CUL1: variants seen among roughly 807,000 people sequenced by gnomAD.
The protein encoded by CUL1 is cullin 1, also known as cullin-1.
Under a neutral mutation model 118.0 loss-of-function variants are expected in CUL1, and 24 were observed. The ratio of observed to expected loss-of-function variants is 0.20; its 90% CI spans 0.15 to 0.29. The LOEUF (loss-of-function observed/expected upper bound fraction) is 0.29, where lower values mean the gene tolerates loss of function less well. CUL1 is among the 10% of genes least tolerant of loss of function. The pLI, the probability that CUL1 is intolerant of heterozygous loss-of-function variation, is 1.00. For synonymous variants in CUL1, 332 were observed against 340.4 expected (o/e 0.98, Z 0.27); for missense variants, 361 against 933.8 (o/e 0.39, Z 7.99).
chr7:148,737,665 A>G (rs898370548), intron 2 of CUL1, among the ~76,000 whole-genome samples: 15 of 151,450 alleles, frequency 9.9e-5, no homozygotes, highest in African/African-American at 3.2e-4. Context: ...CAGTGGTGCA[A>G]TCTTGGCTCA....
At chr7:148,779,506 A>C (rs1414477436) in intron 9 of CUL1, among the ~76,000 whole-genome samples, 5 of 152,230 alleles carry the variant, frequency 3.3e-5, no homozygotes, top group African/African-American at 1.2e-4. Context: ...CCCAGACACA[A>C]CAAAGCCCCT....
chr7:148,719,992 C>T (rs1376072300), intron 1 of CUL1, among the ~76,000 whole-genome samples: 1 of 152,206 alleles, frequency 6.6e-6, no homozygotes, highest in Non-Finnish European at 1.5e-5. Context: ...GTAGCTTGTA[C>T]ATGCAGAGAA....
intron 1 of CUL1, among the ~76,000 whole-genome samples, chr7:148,699,780 G>T (rs191495910): frequency 9.9e-5 from 15 of 152,196 alleles, no homozygotes; most frequent in Non-Finnish European, 1.9e-4. Context: ...TCGCTCGCTA[G>T]TCGGGCCGGG....
At chr7:148,726,558 T>TA (rs1410323263) in intron 1 of CUL1, among the ~76,000 whole-genome samples, 1 of 152,232 alleles carries the variant, frequency 6.6e-6, no homozygotes, top group Non-Finnish European at 1.5e-5. Context: ...TCCTATGACT[T>TA]ACAGTGGTTT....
intron 1 of CUL1, among the ~76,000 whole-genome samples, chr7:148,702,021 T>C (rs1797734017): frequency 6.6e-6 from 1 of 152,198 alleles, no homozygotes; most frequent in Non-Finnish European, 1.5e-5. Flanking sequence ...GCCTTGCTTT[T>C]TAAAAACATT....
rs776212353 is a variant in CUL1 at position 148,789,736 on chromosome 7, C to A, written c.1598-14C>A. The A allele has an allele frequency of 1.1e-5, 17 of 1,612,476 alleles. No homozygotes were observed. In the South Asian group the frequency reaches 1.9e-4, roughly 18 times the overall value. ...TTCCAGAATGTTCACTCTCCCCTCT[C>A]TTCCGTCCCACAGTGGATTTCAGCA... On this transcript the variant is annotated splice_polypyrimidine_tract_variant and intron_variant, in intron 14 of 21. Coordinates refer to ENST00000325222, the MANE Select transcript of CUL1 (RefSeq NM_003592.3).
chr7:148,704,367 G>T (rs1437698168), intron 1 of CUL1, among the ~76,000 whole-genome samples: 1 of 152,154 alleles, frequency 6.6e-6, no homozygotes, highest in Admixed American at 6.5e-5. Flanking sequence ...TACCTTGCTA[G>T]AAAGAGTGTA....
At chr7:148,710,987 T>C (rs999205490) in intron 1 of CUL1, among the ~76,000 whole-genome samples, 1 of 152,032 alleles carries the variant, frequency 6.6e-6, no homozygotes, top group Non-Finnish European at 1.5e-5. Flanking sequence ...TCCTTTATTA[T>C]AGGTATGGCC....
In CUL1 at chr7:148,754,153, A is replaced by G; in HGVS notation, c.315+3A>G. On this transcript the variant is annotated splice_donor_region_variant and intron_variant, in intron 3 of 21. Coordinates refer to ENST00000325222, the MANE Select transcript of CUL1 (RefSeq NM_003592.3). ...ATTACTTGACAAATCTTCTTAAGGT[A>G]AGATGTTTTATATATATACTGAGTA... is the stretch of plus-strand genomic sequence containing the variant. 7 of 1,566,444 alleles carry G rather than the reference A, an allele frequency of 4.5e-6. No individual in the cohort carries two copies. Among genetic ancestry groups the G allele is most frequent in the Non-Finnish European group, 6.1e-6 (7 of 1,143,116 alleles).
chr7:148,779,900 G>A (rs961443655), intron 9 of CUL1, among the ~76,000 whole-genome samples: 5 of 152,258 alleles, frequency 3.3e-5, no homozygotes, highest in East Asian at 1.9e-4. Flanking sequence ...AGCTGCCAGC[G>A]AATATAAGGC....
At chr7:148,756,378 C>T (rs1158562347) in intron 3 of CUL1, among the ~76,000 whole-genome samples, 2 of 152,016 alleles carry the variant, frequency 1.3e-5, no homozygotes. Flanking sequence ...CTCTGTCGCC[C>T]AGGCTAGAGT....
At chr7:148,740,058 CTT>C (rs200881202) in intron 2 of CUL1, among the ~76,000 whole-genome samples, 1 of 143,278 alleles carries the variant, frequency 7.0e-6, no homozygotes. Flanking sequence ...TTTTTAATGG[CTT>C]TTTTTTTTTT....
chr7:148,721,173 C>G (rs1433234683), intron 1 of CUL1, among the ~76,000 whole-genome samples: 1 of 152,138 alleles, frequency 6.6e-6, no homozygotes, highest in Non-Finnish European at 1.5e-5. Context: ...GCAAATAGAT[C>G]ACAAGAGAAC....
At chr7:148,746,776 T>A (rs532533880) in intron 2 of CUL1, among the ~76,000 whole-genome samples, 1 of 152,232 alleles carries the variant, frequency 6.6e-6, no homozygotes, top group Non-Finnish European at 1.5e-5. Context: ...AAATGCATTC[T>A]AGTTGGCAGC....
chr7:148,780,641 T>G (rs915039879), intron 9 of CUL1, among the ~76,000 whole-genome samples: 1 of 152,192 alleles, frequency 6.6e-6, no homozygotes, highest in African/African-American at 2.4e-5. Context: ...GGGGGAAGTT[T>G]GGTGTGGATG....
At position 148,709,913 on chromosome 7, in the gene CUL1, T is replaced by C. The variant is rs576596744; in HGVS notation, c.-162+10884T>C. On this transcript the variant is annotated intron_variant, in intron 1 of 21. Coordinates refer to ENST00000325222, the MANE Select transcript of CUL1 (RefSeq NM_003592.3). ...GCCTGGGCAACGTAGTGAAACCCCA[T>C]CTGTACAAAAAATGAAAAGATTAGC... Among the ~76,000 whole-genome samples, 12 of 152,060 alleles carry C rather than the reference T, an allele frequency of 7.9e-5. No individual in the cohort carries two copies. The South Asian group carries it at 2.5e-3, about 32-fold the overall frequency.
At chr7:148,751,456 T>G (rs1047428677) in intron 2 of CUL1, among the ~76,000 whole-genome samples, 2 of 140,672 alleles carry the variant, frequency 1.4e-5, no homozygotes, top group Non-Finnish European at 3.0e-5. Flanking sequence ...AATCGCTTGA[T>G]CCCGGGAGGC....
At chr7:148,751,697 C>G (rs866197019) in intron 2 of CUL1, among the ~76,000 whole-genome samples, 1 of 152,032 alleles carries the variant, frequency 6.6e-6, no homozygotes, top group Non-Finnish European at 1.5e-5. Flanking sequence ...AGGTCCACCA[C>G]CAAGAGAGTT....
intron 10 of CUL1, 27 bp downstream of exon 10, chr7:148,783,917 C>T: frequency 6.2e-7 from 1 of 1,613,454 alleles, no homozygotes; most frequent in Non-Finnish European, 8.5e-7. Flanking sequence ...TGTGACTTGC[C>T]TGTAGTATGT....
Sources: gnomAD v4.1 joint callset for allele counts (sites outside exome capture counted in the v4.1 genomes callset) on GRCh38, gnomAD v4.1.1 for gene constraint, MANE v1.5 for transcripts, NCBI Gene and HGNC (gene_info 2026-07-23, HGNC 2026-07-21) for gene names.